The following SOS1 variants were observed in gnomAD, a reference collection of about 807,000 sequenced individuals.
SOS1 encodes SOS Ras/Rac guanine nucleotide exchange factor 1.
A neutral mutation model predicts 157.6 loss-of-function variants in SOS1; 25 were observed. That is an observed-to-expected ratio of 0.16 (90% CI 0.12 to 0.22). SOS1 has a LOEUF of 0.22. Among genes scored for constraint, SOS1 ranks in the 10% least tolerant of loss-of-function variants. The pLI, the probability that SOS1 is intolerant of heterozygous loss-of-function variation, is 1.00. For missense variants in SOS1, 1,237 were observed against 1,599.1 expected, an observed-to-expected ratio of 0.77 and a Z score of 3.86; for synonymous variants, 528 against 534.0, an observed-to-expected ratio of 0.99 and a Z score of 0.16.
At chr2:39,018,540 T>C (rs922290739) in intron 10 of SOS1, among the ~76,000 whole-genome samples, 2 of 151,836 alleles carry the variant, frequency 1.3e-5, no homozygotes, top group Non-Finnish European at 3.0e-5. Flanking sequence ...TTATTTGATA[T>C]TTTACTGCAC....
At chr2:39,060,242 C>A (rs944434742) in intron 2 of SOS1, among the ~76,000 whole-genome samples, 1 of 152,158 alleles carries the variant, frequency 6.6e-6, no homozygotes, top group South Asian at 2.1e-4. Flanking sequence ...CAAACCTAAT[C>A]ATGTTATGAC....
intron 20 of SOS1, among the ~76,000 whole-genome samples, chr2:38,994,035 C>T (rs574531053): frequency 2.6e-5 from 4 of 152,182 alleles, no homozygotes; most frequent in South Asian, 2.1e-4. Flanking sequence ...CTGTACAGTC[C>T]GGCAACCACT....
At chr2:39,044,693 G>A (rs1366446476) in intron 6 of SOS1, among the ~76,000 whole-genome samples, 6 of 152,074 alleles carry the variant, frequency 3.9e-5, no homozygotes, top group Admixed American at 6.5e-5. Context: ...AAACCCTTGC[G>A]TACTCAGGGC....
chr2:38,986,655 C>A (rs766192494), intron 22 of SOS1, among the ~76,000 whole-genome samples: 8 of 151,696 alleles, frequency 5.3e-5, no homozygotes, highest in Non-Finnish European at 1.0e-4. Flanking sequence ...TTTGTAGAGT[C>A]AAGGTCTTGC....
chr2:39,124,503 G>A (rs1674008857), upstream of SOS1, among the ~76,000 whole-genome samples: 1 of 152,262 alleles, frequency 6.6e-6, no homozygotes, highest in Non-Finnish European at 1.5e-5. Context: ...GAGGACGGGG[G>A]CGGGGGTGGG....
chr2:38,992,029 G>C (rs1668749795), intron 20 of SOS1, among the ~76,000 whole-genome samples: 1 of 152,188 alleles, frequency 6.6e-6, no homozygotes, highest in African/African-American at 2.4e-5. Flanking sequence ...GTACTGCTTT[G>C]AGTGGAATAT....
intron 1 of SOS1, among the ~76,000 whole-genome samples, chr2:39,076,839 A>C (rs1672021361): frequency 6.6e-6 from 1 of 152,212 alleles, no homozygotes; most frequent in South Asian, 2.1e-4. Context: ...TATTATTTGC[A>C]GGTAATATAA....
At chr2:39,025,175 T>G (rs1669915246) in intron 8 of SOS1, among the ~76,000 whole-genome samples, 1 of 152,164 alleles carries the variant, frequency 6.6e-6, no homozygotes, top group Non-Finnish European at 1.5e-5. Flanking sequence ...GAGGCCCAGG[T>G]GGGAGGATCG....
chr2:39,064,742 A>ATTTTTTTT lies in SOS1; in HGVS notation c.213+2878_213+2885dup, dbSNP rs4015841. On this transcript the variant is annotated intron_variant, in intron 2 of 22. Coordinates refer to ENST00000402219, the MANE Select transcript of SOS1 (RefSeq NM_005633.4). ...TCAGATTGATCTATTTTTAAAATAC[A>ATTTTTTTT]TTTTTTTTTTTTTTTTTTTTTTTGG... Among the ~76,000 whole-genome samples, 81 of 74,820 alleles carry ATTTTTTTT rather than the reference A, an allele frequency of 1.1e-3. 4 individuals carry two copies. Among genetic ancestry groups the ATTTTTTTT allele is most frequent in the African/African-American group, 1.6e-3 (28 of 18,044 alleles). The allele number at this position is 74,820 out of a possible 152,430, so 49.1% of individuals were successfully genotyped here. A position where few individuals can be genotyped will look rare whatever the true frequency, so the allele number is the denominator to read the frequency against.
chr2:39,050,512 C>T (rs554462528), intron 6 of SOS1, among the ~76,000 whole-genome samples: 10 of 152,076 alleles, frequency 6.6e-5, no homozygotes, highest in Non-Finnish European at 1.2e-4. Context: ...GTATCTCTTA[C>T]CCAAAATGAA....
At position 39,022,799 on chromosome 2, in the gene SOS1, A is replaced by C. The variant is rs1374762037; in HGVS notation, c.1629T>G (p.Ser543=). The C allele has an allele frequency of 1.2e-6, 2 of 1,613,582 alleles. No homozygotes were observed. The highest frequency in any genetic ancestry group is 1.7e-6 in the Non-Finnish European group (2 of 1,179,692). The change falls in exon 10 of 23, where the codon TCT becomes TCG. Residue 543 remains serine, a synonymous_variant. Transcript: ENST00000402219. The part of the protein sequence containing the change: ...EKNNWMAALI[S]LQYRSTLERM... The stretch of plus-strand genomic sequence containing the variant: ...TTTCCAGTGTACTCCGGTACTGTAA[A>C]GATATCAATGCTGCCATCCAATTGT...
In SOS1 at chr2:39,051,132, T is replaced by G. The variant is rs374379005; in HGVS notation, c.864+12A>C. ...TATGCAGACTTTTCGGGTATATAAT[T>G]GAAGTACTTACCTCTGCTAAGTCTT... On this transcript the variant is annotated intron_variant, in intron 6 of 22. Transcript: ENST00000402219. 6.1e-5 allele frequency: 99 copies of G among 1,613,002 alleles called. No individual in the cohort carries two copies. The highest frequency in any genetic ancestry group is 8.1e-5 in the Non-Finnish European group (95 of 1,179,172).
upstream of SOS1, among the ~76,000 whole-genome samples, chr2:39,123,189 A>G (rs569758309): frequency 6.6e-6 from 1 of 152,164 alleles, no homozygotes; most frequent in East Asian, 1.9e-4. Context: ...ACCACCTCCA[A>G]GAGGCCTTCT....
At chr2:39,025,491 G>T (rs1014432109) in intron 8 of SOS1, among the ~76,000 whole-genome samples, 4 of 151,398 alleles carry the variant, frequency 2.6e-5, no homozygotes, top group Non-Finnish European at 4.4e-5. Flanking sequence ...CTGCGATTAC[G>T]GGTGTCTGTC....
intron 1 of SOS1, among the ~76,000 whole-genome samples, chr2:39,108,733 A>G (rs529929114): frequency 2.0e-5 from 3 of 152,044 alleles, no homozygotes; most frequent in African/African-American, 7.2e-5. Context: ...TACAAAAAAA[A>G]TTTTTAAAAA....
intron 1 of SOS1, among the ~76,000 whole-genome samples, chr2:39,096,963 C>A (rs1212286562): frequency 1.3e-5 from 2 of 151,946 alleles, no homozygotes; most frequent in Admixed American, 1.3e-4. Context: ...AAATAAAATC[C>A]CTAAGAGCTA....
In SOS1 at chr2:39,012,380, A is replaced by G. The variant is rs1281328635; in HGVS notation, c.2168-32T>C. The G allele has an allele frequency of 1.2e-5, 12 of 981,768 alleles. No homozygotes were observed. In the Admixed American group the frequency reaches 1.6e-4, roughly 13 times the overall value. The allele number at this position is 981,768 out of a possible 1,614,324, so 60.8% of individuals were successfully genotyped here. ...TACATTATATTTTAAATAACATTTAAATATTCTTTATTTAATATTTTATAT... is the reference window on the plus strand; with the variant it reads ...TACATTATATTTTAAATAACATTTAGATATTCTTTATTTAATATTTTATAT... On this transcript the variant is annotated intron_variant, in intron 13 of 22. Transcript: ENST00000402219.
intron 1 of SOS1, among the ~76,000 whole-genome samples, chr2:39,076,063 T>C (rs1572874431): frequency 6.6e-6 from 1 of 151,980 alleles, no homozygotes; most frequent in East Asian, 1.9e-4. Context: ...ACCAACACTA[T>C]CTAGGAAAGA....
chr2:39,106,501 G>C (rs1673190083), intron 1 of SOS1, among the ~76,000 whole-genome samples: 1 of 148,092 alleles, frequency 6.8e-6, no homozygotes, highest in African/African-American at 2.5e-5. Context: ...TGAGGCAGGA[G>C]AATGGCGTGA....
Sources: allele counts gnomAD v4.1 joint callset (sites outside exome capture counted in the v4.1 genomes callset), GRCh38; gene constraint gnomAD v4.1.1; transcripts MANE v1.5; gene names NCBI Gene and HGNC (gene_info 2026-07-23, HGNC 2026-07-21).